KCNMB1: variants seen among roughly 807,000 people sequenced by gnomAD.
KCNMB1 encodes potassium calcium-activated channel subfamily M regulatory beta subunit 1.
In KCNMB1, 22 loss-of-function variants were observed where a neutral mutation model predicts 21.7. That is an observed-to-expected ratio of 1.01 (90% CI 0.72 to 1.45). The LOEUF is 1.45. Among genes scored for constraint, KCNMB1 ranks in the 40% most tolerant of loss-of-function variants. The pLI, the probability that KCNMB1 is intolerant of heterozygous loss-of-function variation, is 0.00. For missense variants in KCNMB1, 243 were observed against 243.4 expected (o/e 1.00, Z 0.01); for synonymous variants, 114 against 107.6 (o/e 1.06, Z -0.37).
At chr5:170,380,938 C>G (rs893812795) in intron 3 of KCNMB1, among the ~76,000 whole-genome samples, 1 of 152,174 alleles carries the variant, frequency 6.6e-6, no homozygotes, top group Non-Finnish European at 1.5e-5. Flanking sequence ...ATGTAAAGCA[C>G]TGAGCACAGA....
At position 170,378,464 on chromosome 5, in the gene KCNMB1, C is replaced by T. The variant is rs1581125768; in HGVS notation, c.*240G>A. 4 of 531,328 alleles carry T rather than the reference C, an allele frequency of 7.5e-6. No individual in the cohort carries two copies. In the East Asian group the frequency reaches 1.2e-4, roughly 16 times the overall value. 32.9% of individuals were successfully genotyped at this position (531,328 alleles called of 1,614,324 possible). ...TTGAGTGGGGACAGGTAATAGAGAG[C>T]TAGAACTGGCTGGCCTTATGGCCTC... On this transcript the variant is annotated 3_prime_UTR_variant, in exon 4 of 4. Coordinates refer to ENST00000274629, the MANE Select transcript of KCNMB1 (RefSeq NM_004137.4).
At chr5:170,381,505 C>T (rs965965131) in intron 3 of KCNMB1, among the ~76,000 whole-genome samples, 4 of 152,218 alleles carry the variant, frequency 2.6e-5, no homozygotes, top group Non-Finnish European at 5.9e-5. Context: ...CCACTTGAAC[C>T]CCTATGATGG....
intron 1 of KCNMB1, among the ~76,000 whole-genome samples, chr5:170,386,898 C>T (rs1458985611): frequency 6.6e-6 from 1 of 151,982 alleles, no homozygotes; most frequent in African/African-American, 2.4e-5. Flanking sequence ...TGACTCCACC[C>T]CAATGCAAGC....
In KCNMB1 at chr5:170,378,911, G is replaced by C. The variant is rs1161564345; in HGVS notation, c.369C>G (p.Val123=). The part of the protein sequence containing the change: ...YQTARADVEK[V]RAKFQEQQVF... The stretch of plus-strand genomic sequence containing the variant: ...CCTGCTGCTCTTGGAATTTGGCTCT[G>C]ACCTTCTCCACGTCGGCCCGGGCCG... The change falls in exon 4 of 4, where the codon GTC becomes GTG. Residue 123 remains valine, a synonymous_variant. Transcript: ENST00000274629. 1 of 1,614,124 alleles carries C rather than the reference G, an allele frequency of 6.2e-7. No individual in the cohort carries two copies. The highest frequency in any genetic ancestry group is 8.5e-7 in the Non-Finnish European group (1 of 1,180,044).
intron 3 of KCNMB1, 31 bp downstream of exon 3, chr5:170,383,648 G>C: frequency 6.2e-7 from 1 of 1,612,644 alleles, no homozygotes; most frequent in Non-Finnish European, 8.5e-7. Flanking sequence ...CAGGGATAAA[G>C]GGATGTGTCC....
chr5:170,380,792 G>A (rs1431691242), intron 3 of KCNMB1, among the ~76,000 whole-genome samples: 1 of 152,200 alleles, frequency 6.6e-6, no homozygotes, highest in Non-Finnish European at 1.5e-5. Context: ...ATAGCAGTGT[G>A]GCTATGGAGT....
intron 1 of KCNMB1, among the ~76,000 whole-genome samples, chr5:170,388,024 C>CCCA (rs3838243): frequency 0.12 from 17,768 of 152,206 alleles, 1,176 homozygotes; most frequent in East Asian, 0.21. Flanking sequence ...ATCAGCCCCC[C>CCCA]CCAGCGCCCA....
chr5:170,385,462 G>A lies in KCNMB1; in HGVS notation c.-15C>T, dbSNP rs1764430588. 24 of 1,614,018 alleles carry A rather than the reference G, an allele frequency of 1.5e-5. No homozygotes were observed. Among genetic ancestry groups the A allele is most frequent in the Non-Finnish European group, 1.9e-5 (23 of 1,180,020 alleles). ...TTCTTCACCATATTCACTGGGGGCA[G>A]TGATCATTTCTAGGTCCACAGAAGC... On this transcript the variant is annotated 5_prime_UTR_variant, in exon 2 of 4. Coordinates refer to ENST00000274629, the MANE Select transcript of KCNMB1 (RefSeq NM_004137.4).
Position 170,378,726 on chromosome 5 carries a change from G to A in KCNMB1, c.554C>T (p.Ser185Phe). The change falls in exon 4 of 4, where the codon TCC (serine) becomes TTC (phenylalanine). Residue 185 changes from serine (S) to phenylalanine (F), a missense_variant. Transcript: ENST00000274629. ...IAMVKSNQYL[S>F]ILAAQK ...GCTCTACTTCTGGGCCGCCAGGATG[G>A]ACAGGTACTGGTTGCTCTTCACCAT... is the stretch of plus-strand genomic sequence containing the variant. 6.2e-7 allele frequency: 1 copy of A among 1,613,404 alleles called. No individual in the cohort carries two copies. The highest frequency in any genetic ancestry group is 2.2e-5 in the East Asian group (1 of 44,880).
At chr5:170,382,171 A>G (rs1035087087) in intron 3 of KCNMB1, among the ~76,000 whole-genome samples, 1 of 152,164 alleles carries the variant, frequency 6.6e-6, no homozygotes, top group African/African-American at 2.4e-5. Flanking sequence ...ACACACCTGT[A>G]GGCTCCATCT....
At chr5:170,383,958 TG>T in intron 2 of KCNMB1, 108 bp from the exon 3 acceptor site, 3 of 1,157,712 alleles carry the variant, frequency 2.6e-6, no homozygotes, top group Non-Finnish European at 3.7e-6. Context: ...GATCCAGGAC[TG>T]GGATCCTCAT....
At chr5:170,383,944 G>A (rs1764362483) in intron 2 of KCNMB1, 94 bp from the exon 3 acceptor site, 2 of 1,349,124 alleles carry the variant, frequency 1.5e-6, no homozygotes, top group South Asian at 2.8e-5. Flanking sequence ...GGAGCCTCTA[G>A]AGGGATCCAG....
rs1291695197 is a variant in KCNMB1, at chr5:170,376,757, TA to T, written c.*1946del. The T allele has an allele frequency of 6.6e-6, 1 of 152,170 alleles. No homozygotes were observed. The highest frequency in any genetic ancestry group is 2.4e-5 in the African/African-American group (1 of 41,440). The allele number at this position is 152,170 out of a possible 1,614,324, so 9.4% of individuals were successfully genotyped here. On this transcript the variant is annotated 3_prime_UTR_variant, in exon 4 of 4. Coordinates refer to ENST00000274629, the MANE Select transcript of KCNMB1 (RefSeq NM_004137.4). Reference sequence around the variant, plus strand: ...TGACGTATACGTACCACATTTTCTTTAATAATGGGTACTAGACTTAATACCT... The same window carrying T: ...TGACGTATACGTACCACATTTTCTTTATAATGGGTACTAGACTTAATACCT...
intron 2 of KCNMB1, among the ~76,000 whole-genome samples, chr5:170,385,058 G>A (rs1764407877): frequency 1.3e-5 from 2 of 152,174 alleles, no homozygotes; most frequent in African/African-American, 4.8e-5. Context: ...TCTGAGAAGG[G>A]CATCATGTGT....
At chr5:170,383,479 C>T (rs1416310271) in intron 3 of KCNMB1, 200 bp downstream of exon 3, 4 of 645,444 alleles carry the variant, frequency 6.2e-6, no homozygotes, top group African/African-American at 3.6e-5. Flanking sequence ...TATGTTTACA[C>T]AGCCAGTTAG....
At chr5:170,383,314 A>C (rs1353132180) in intron 3 of KCNMB1, 54 of 542,134 alleles carry the variant, frequency 1.0e-4, no homozygotes, top group Non-Finnish European at 6.3e-5. Flanking sequence ...AACACTAATC[A>C]CTGCTTTTGT....
At chr5:170,379,101 T>A in intron 3 of KCNMB1, 128 bp from the exon 4 acceptor site, 1 of 1,161,028 alleles carries the variant, frequency 8.6e-7, no homozygotes. Context: ...GGCTTTGGTC[T>A]AAAGCTTGGC....
At chr5:170,379,688 C>T (rs1764161123) in intron 3 of KCNMB1, among the ~76,000 whole-genome samples, 1 of 152,206 alleles carries the variant, frequency 6.6e-6, no homozygotes, top group Admixed American at 6.5e-5. Flanking sequence ...CCAGATCACA[C>T]CTGTAATCCT....
chr5:170,386,280 GGAGACAGCAATTA>G (rs1478327652), intron 1 of KCNMB1, among the ~76,000 whole-genome samples: 5 of 152,194 alleles, frequency 3.3e-5, no homozygotes, highest in Non-Finnish European at 7.3e-5. Context: ...ATATGACCAG[GGAGACAGCAATTA>G]GAGTGATGTG....
Sources: gnomAD v4.1 joint callset for allele counts (sites outside exome capture counted in the v4.1 genomes callset) on GRCh38, gnomAD v4.1.1 for gene constraint, MANE v1.5 for transcripts, NCBI Gene and HGNC (gene_info 2026-07-23, HGNC 2026-07-21) for gene names.